PRORP: variants seen among roughly 807,000 people sequenced by gnomAD.
PRORP encodes protein only RNase P catalytic subunit.
PRORP carries 51 observed loss-of-function variants against 59.4 expected under a neutral mutation model. The ratio of observed to expected loss-of-function variants is 0.86; its 90% CI spans 0.69 to 1.08. The LOEUF (loss-of-function observed/expected upper bound fraction) is 1.08, where lower values mean the gene tolerates loss of function less well. Among genes scored for constraint, PRORP ranks in the 50% least tolerant of loss-of-function variants. The pLI, the probability that PRORP is intolerant of heterozygous loss-of-function variation, is 0.00. For missense variants in PRORP, 646 were observed against 690.3 expected, an observed-to-expected ratio of 0.94 and a Z score of 0.72; for synonymous variants, 231 against 245.6, an observed-to-expected ratio of 0.94 and a Z score of 0.55.
rs533731366 is a variant in PRORP, at chr14:35,145,042, C to T, written c.1167+17431C>T. ...CTAGAGTGCAGTGGCGTGATCATAGCTCATTGCAGCCTCAACCTCCCAGGC... is the reference window on the plus strand; with the variant it reads ...CTAGAGTGCAGTGGCGTGATCATAGTTCATTGCAGCCTCAACCTCCCAGGC... On this transcript the variant is annotated intron_variant, in intron 4 of 7. Transcript: ENST00000534898. Among the ~76,000 whole-genome samples, 7 of 145,520 alleles carry T rather than the reference C, an allele frequency of 4.8e-5. No individual in the cohort carries two copies. The South Asian group carries it at 1.6e-3, about 33-fold the overall frequency.
chr14:35,273,037 G>A lies in PRORP; in HGVS notation c.1621-398G>A, dbSNP rs563617699. ...CAGAACACAGTTTTTTGTTGTTGTTGTTGTTTTGTTTTGTTTCGTTTTGTT... is the reference window on the plus strand; with the variant it reads ...CAGAACACAGTTTTTTGTTGTTGTTATTGTTTTGTTTTGTTTCGTTTTGTT... On this transcript the variant is annotated intron_variant, in intron 7 of 7. Coordinates refer to ENST00000534898, the MANE Select transcript of PRORP (RefSeq NM_014672.4). Among the ~76,000 whole-genome samples the A allele has an allele frequency of 2.6e-5, 4 of 152,168 alleles. No homozygotes were observed. The South Asian group carries it at 8.3e-4, about 32-fold the overall frequency.
intron 4 of PRORP, among the ~76,000 whole-genome samples, chr14:35,167,696 T>G (rs1044491818): frequency 8.5e-5 from 13 of 152,238 alleles, no homozygotes. Flanking sequence ...TTTTTATTTT[T>G]GTTCGCATGT....
intron 5 of PRORP, among the ~76,000 whole-genome samples, chr14:35,254,480 C>T (rs1031866685): frequency 4.6e-5 from 7 of 152,162 alleles, no homozygotes; most frequent in African/African-American, 1.7e-4. Context: ...ACAACCTCTG[C>T]CTCCCGAGTT....
chr14:35,164,321 A>G (rs569363796), intron 4 of PRORP, among the ~76,000 whole-genome samples: 44 of 152,338 alleles, frequency 2.9e-4, no homozygotes, highest in African/African-American at 1.1e-3. Flanking sequence ...CATTATACCA[A>G]AAAGACACAT....
At position 35,142,088 on chromosome 14, in the gene PRORP, A is replaced by G. The variant is rs1475374854; in HGVS notation, c.1167+14477A>G. 2.8e-5 allele frequency among the ~76,000 whole-genome samples: 4 copies of G among 144,966 alleles called. 1 individual carries two copies. The highest frequency in any genetic ancestry group is 4.5e-4 in the South Asian group (2 of 4,446). ...GAGACAGGGTTTCACCATGTTGGCC[A>G]GGCTGGTCTTGAACTCCTGACCTCA... On this transcript the variant is annotated intron_variant, in intron 4 of 7. Coordinates refer to ENST00000534898, the MANE Select transcript of PRORP (RefSeq NM_014672.4).
chr14:35,223,225 C>CT (rs11333388), intron 5 of PRORP, among the ~76,000 whole-genome samples: 6,752 of 145,438 alleles, frequency 0.046, 389 homozygotes, highest in African/African-American at 0.13. Context: ...ATCAGGTGCT[C>CT]TTTTTTTTTT....
chr14:35,249,552 G>A (rs115779892), intron 5 of PRORP, among the ~76,000 whole-genome samples: 1 of 152,132 alleles, frequency 6.6e-6, no homozygotes, highest in Non-Finnish European at 1.5e-5. Context: ...TCATGCCACT[G>A]CACTGCCACC....
chr14:35,163,865 A>G (rs1278870514), intron 4 of PRORP, among the ~76,000 whole-genome samples: 2 of 152,164 alleles, frequency 1.3e-5, no homozygotes, highest in African/African-American at 4.8e-5. Flanking sequence ...CAAGAAGGGT[A>G]TTTCCTAGGT....
At chr14:35,252,154 G>T (rs2050631237) in intron 5 of PRORP, among the ~76,000 whole-genome samples, 1 of 152,144 alleles carries the variant, frequency 6.6e-6, no homozygotes, top group Admixed American at 6.5e-5. Context: ...ACCAGGCATG[G>T]TATCTCACGC....
At chr14:35,151,639 T>TACAC (rs55940352) in intron 4 of PRORP, among the ~76,000 whole-genome samples, 5,027 of 141,768 alleles carry the variant, frequency 0.035, 153 homozygotes, top group African/African-American at 0.084. Context: ...CACACACACA[T>TACAC]ACACACACAC....
chr14:35,124,060 G>C lies in PRORP; in HGVS notation c.815G>C (p.Gly272Ala). Residue 272 changes from glycine (G) to alanine (A), a missense_variant, in exon 2 of 8, where the codon GGT (glycine) becomes GCT (alanine). Coordinates refer to ENST00000534898, the MANE Select transcript of PRORP (RefSeq NM_014672.4). ...TAWNLYQELL[G>A]HDIVPMLETL... is the part of the protein sequence containing the mutation. Reference sequence around the variant, plus strand: ...TGGAATTTATATCAGGAATTGCTAGGTCATGATATTGTTCCTATGTTGGAA... The same window carrying C: ...TGGAATTTATATCAGGAATTGCTAGCTCATGATATTGTTCCTATGTTGGAA... 1 of 1,613,778 alleles carries C rather than the reference G, an allele frequency of 6.2e-7. No individual in the cohort carries two copies. The highest frequency in any genetic ancestry group is 1.1e-5 in the South Asian group (1 of 91,044).
At chr14:35,240,041 C>T (rs35239200) in intron 5 of PRORP, among the ~76,000 whole-genome samples, 7,731 of 148,654 alleles carry the variant, frequency 0.052, 339 homozygotes, top group Admixed American at 0.15. Context: ...TGCCACTGCA[C>T]TCCAACCTGG....
intron 5 of PRORP, chr14:35,222,182 T>C (rs1345143913): frequency 6.6e-6 from 1 of 152,146 alleles, no homozygotes; most frequent in Non-Finnish European, 1.5e-5. Flanking sequence ...GGATGCCAGA[T>C]TCAGAGGTCC....
chr14:35,141,243 T>C (rs955993284), intron 4 of PRORP, among the ~76,000 whole-genome samples: 4 of 144,586 alleles, frequency 2.8e-5, no homozygotes, highest in African/African-American at 9.8e-5. Flanking sequence ...TTTTCTTTTT[T>C]TTTTTGTTTT....
intron 5 of PRORP, among the ~76,000 whole-genome samples, chr14:35,203,356 C>T (rs1015024751): frequency 6.6e-6 from 1 of 151,826 alleles, no homozygotes; most frequent in African/African-American, 2.4e-5. Context: ...GGCGAAACCC[C>T]ATCTCTACAA....
intron 5 of PRORP, among the ~76,000 whole-genome samples, chr14:35,234,676 C>CTTTTTTTTT (rs398056986): frequency 1.5e-5 from 2 of 130,136 alleles, no homozygotes; most frequent in Non-Finnish European, 1.6e-5. Context: ...ACTGTTGTTC[C>CTTTTTTTTT]TTTTTTTTTT....
intron 4 of PRORP, among the ~76,000 whole-genome samples, chr14:35,164,143 A>G (rs1040853642): frequency 6.6e-6 from 1 of 152,112 alleles, no homozygotes; most frequent in South Asian, 2.1e-4. Flanking sequence ...CTGTTTTTGT[A>G]CCAGTATGAG....
intron 5 of PRORP, among the ~76,000 whole-genome samples, chr14:35,188,377 G>A (rs1490948141): frequency 1.3e-5 from 2 of 151,186 alleles, no homozygotes; most frequent in Non-Finnish European, 2.9e-5. Context: ...TTTTGGTAGA[G>A]ATGGGGTTTC....
chr14:35,122,175 T>C (rs1472595477), upstream of PRORP: 4 of 567,846 alleles, frequency 7.0e-6, no homozygotes, highest in Admixed American at 1.2e-4. Flanking sequence ...GAAAAAACTA[T>C]GAAAGAGATG....
Sources: allele counts gnomAD v4.1 joint callset (sites outside exome capture counted in the v4.1 genomes callset), GRCh38; gene constraint gnomAD v4.1.1; transcripts MANE v1.5; gene names NCBI Gene and HGNC (gene_info 2026-07-23, HGNC 2026-07-21).